Variants in MAP2 observed in about 807,000 individuals in gnomAD.
MAP2 encodes the protein microtubule associated protein 2.
A neutral mutation model predicts 137.6 loss-of-function variants in MAP2; 14 were observed. The ratio of observed to expected loss-of-function variants is 0.10; its 90% CI spans 0.07 to 0.16. The LOEUF (loss-of-function observed/expected upper bound fraction) is 0.16. Ranked by LOEUF, MAP2 falls within the 10% of genes least tolerant of loss-of-function variation. The pLI is 1.00. For missense variants in MAP2, 2,088 were observed against 2,191.5 expected, an observed-to-expected ratio of 0.95 and a Z score of 0.94; for synonymous variants, 786 against 782.3, an observed-to-expected ratio of 1.00 and a Z score of -0.08.
At chr2:209,680,714 T>A in intron 6 of MAP2, 36 bp from the exon 7 acceptor site, 7 of 1,555,778 alleles carry the variant, frequency 4.5e-6, no homozygotes, top group Admixed American at 1.7e-5. Flanking sequence ...AAAGGATTAA[T>A]TATTGCATCT....
At chr2:209,678,729 C>A in intron 6 of MAP2, 44 bp downstream of exon 6, 1 of 1,160,200 alleles carries the variant, frequency 8.6e-7, no homozygotes, top group Non-Finnish European at 1.2e-6. Flanking sequence ...TCTGTTGCAC[C>A]CTGATCACAG....
chr2:209,555,954 A>G (rs771914273), intron 2 of MAP2, among the ~76,000 whole-genome samples: 44 of 151,038 alleles, frequency 2.9e-4, no homozygotes, highest in African/African-American at 1.0e-3. Flanking sequence ...TAATGGTATT[A>G]GTTCTGGAAA....
chr2:209,472,015 A>G (rs192160485), intron 1 of MAP2, among the ~76,000 whole-genome samples: 48 of 152,296 alleles, frequency 3.2e-4, no homozygotes, highest in African/African-American at 1.1e-3. Flanking sequence ...ATGATTTTCC[A>G]TAAGGGTTAA....
intron 2 of MAP2, among the ~76,000 whole-genome samples, chr2:209,577,726 C>T (rs928577222): frequency 7.9e-5 from 12 of 152,058 alleles, no homozygotes; most frequent in Non-Finnish European, 1.8e-4. Context: ...AATTTGATTA[C>T]CCAGTTTTAT....
chr2:209,428,923 T>TTTTATTTA (rs200198018), intron 1 of MAP2, among the ~76,000 whole-genome samples: 3,440 of 146,372 alleles, frequency 0.024, 52 homozygotes, highest in East Asian at 0.043. Flanking sequence ...CTTTATTTTA[T>TTTTATTTA]TTTATTTATT....
intron 3 of MAP2, among the ~76,000 whole-genome samples, chr2:209,595,293 T>C (rs1200234663): frequency 6.6e-6 from 1 of 152,188 alleles, no homozygotes; most frequent in African/African-American, 2.4e-5. Flanking sequence ...ATGAGTATAA[T>C]TTAGTGGTGC....
intron 11 of MAP2, chr2:209,704,531 A>G: frequency 6.2e-7 from 1 of 1,612,834 alleles, no homozygotes; most frequent in Non-Finnish European, 8.5e-7. Context: ...TAGCACGACT[A>G]AAAGGGCTAC....
chr2:209,438,017 C>T (rs985814546), intron 1 of MAP2, among the ~76,000 whole-genome samples: 3 of 151,512 alleles, frequency 2.0e-5, no homozygotes, highest in Non-Finnish European at 4.4e-5. Flanking sequence ...ATATTATTGC[C>T]TAGGTGCAAT....
chr2:209,549,089 C>T (rs1284805674), intron 2 of MAP2, among the ~76,000 whole-genome samples: 2 of 152,074 alleles, frequency 1.3e-5, no homozygotes, highest in East Asian at 3.8e-4. Flanking sequence ...CATGTTCAGC[C>T]GTCACATCTA....
chr2:209,485,486 T>G (rs1285386357), intron 1 of MAP2, among the ~76,000 whole-genome samples: 1 of 152,216 alleles, frequency 6.6e-6, no homozygotes, highest in East Asian at 1.9e-4. Flanking sequence ...TTTCCTTTAT[T>G]TCTGGATTGT....
intron 1 of MAP2, among the ~76,000 whole-genome samples, chr2:209,485,082 G>A (rs973723494): frequency 2.6e-5 from 4 of 152,170 alleles, no homozygotes; most frequent in African/African-American, 4.8e-5. Flanking sequence ...CTGCTGGAGC[G>A]TGTCTATAGT....
intron 2 of MAP2, among the ~76,000 whole-genome samples, chr2:209,531,614 A>T (rs1325518033): frequency 6.6e-6 from 1 of 152,206 alleles, no homozygotes; most frequent in Non-Finnish European, 1.5e-5. Context: ...GGCTAATATG[A>T]CTTATTTGTC....
intron 3 of MAP2, among the ~76,000 whole-genome samples, chr2:209,614,319 A>C (rs1455450367): frequency 2.6e-5 from 4 of 152,146 alleles, no homozygotes; most frequent in African/African-American, 9.7e-5. Flanking sequence ...AAAACATCTT[A>C]AAAGAAACCC....
chr2:209,639,066 A>G (rs2093800767), intron 4 of MAP2, among the ~76,000 whole-genome samples: 1 of 152,140 alleles, frequency 6.6e-6, no homozygotes. Context: ...CCTTTATATC[A>G]GGCCCAGTGC....
Position 209,693,245 on chromosome 2 carries a change from C to T in MAP2, c.1075C>T (p.Pro359Ser). 6.2e-7 allele frequency: 1 copy of T among 1,614,010 alleles called. No individual in the cohort carries two copies. The highest frequency in any genetic ancestry group is 1.1e-5 in the South Asian group (1 of 91,054). ...AAAATCTCTGCAACAAACCAGTGGC[C>T]CAGCTACTGCCAAAGATAGTTTTAA... is the stretch of plus-strand genomic sequence containing the variant. ...DKKSLQQTSG[P>S]ATAKDSFKIE... The change falls in exon 8 of 16, where the codon CCA becomes TCA. Residue 359 changes from proline (P) to serine (S), a missense_variant. By Grantham distance (74) the Pro-to-Ser change is moderately conservative (BLOSUM62 -1). This residue lies in a region of MAP2 where 859 missense variants were observed against 794.5 expected (regional missense o/e 1.08). Transcript: ENST00000682079.
intron 2 of MAP2, among the ~76,000 whole-genome samples, chr2:209,577,799 G>T (rs1469443072): frequency 6.6e-6 from 1 of 152,068 alleles, no homozygotes; most frequent in Non-Finnish European, 1.5e-5. Flanking sequence ...TGAAGTTCAG[G>T]CTCAACAAGA....
intron 3 of MAP2, among the ~76,000 whole-genome samples, chr2:209,620,464 A>G (rs933067958): frequency 2.0e-5 from 3 of 152,250 alleles, no homozygotes. Context: ...CAAGAAACAT[A>G]AGTTTCTCTT....
At chr2:209,630,348 CTT>C (rs2092863884) in intron 4 of MAP2, among the ~76,000 whole-genome samples, 1 of 152,140 alleles carries the variant, frequency 6.6e-6, no homozygotes, top group Non-Finnish European at 1.5e-5. Flanking sequence ...ATAGATAACT[CTT>C]TACGTAGAGA....
intron 1 of MAP2, 66 bp downstream of exon 1, chr2:209,424,342 AG>A: frequency 6.6e-6 from 1 of 152,450 alleles, no homozygotes; most frequent in South Asian, 2.1e-4. Context: ...GTCTCTGAGT[AG>A]AAAGAGATAG....
Sources: allele counts gnomAD v4.1 joint callset (sites outside exome capture counted in the v4.1 genomes callset), GRCh38; gene constraint gnomAD v4.1.1; regional missense constraint gnomAD v4.1.1; transcripts MANE v1.5; gene names NCBI Gene and HGNC (gene_info 2026-07-23, HGNC 2026-07-21).